Variants in SLC14A2 observed in about 807,000 individuals in gnomAD.
SLC14A2 encodes the protein solute carrier family 14 member 2, also known as urea transporter 2.
Under a neutral mutation model 104.6 loss-of-function variants are expected in SLC14A2, and 91 were observed. The observed-to-expected ratio is 0.87, with a 90% CI of 0.73 to 1.04. SLC14A2 has a LOEUF of 1.04. SLC14A2 is among the 50% of genes least tolerant of loss of function. SLC14A2 has a pLI of 0.00. For missense variants in SLC14A2, 1,189 were observed against 1,156.0 expected (o/e 1.03, Z -0.41); for synonymous variants, 476 against 466.4 (o/e 1.02, Z -0.27).
At chr18:45,654,894 G>A (rs1360698880) in intron 10 of SLC14A2, among the ~76,000 whole-genome samples, 1 of 152,202 alleles carries the variant, frequency 6.6e-6, no homozygotes, top group Admixed American at 6.5e-5. Context: ...TGTGACATCA[G>A]TTTGGTTTCC....
chr18:45,234,814 C>T (rs1322639254), intron 1 of SLC14A2, among the ~76,000 whole-genome samples: 1 of 152,098 alleles, frequency 6.6e-6, no homozygotes, highest in Non-Finnish European at 1.5e-5. Flanking sequence ...ATTTATATAG[C>T]AGCATTTTGT....
chr18:45,287,460 T>C (rs1307582144), intron 1 of SLC14A2, among the ~76,000 whole-genome samples: 1 of 152,210 alleles, frequency 6.6e-6, no homozygotes, highest in Non-Finnish European at 1.5e-5. Flanking sequence ...CAGCAACTCG[T>C]GGCCCACAGC....
chr18:45,611,443 T>C (rs1201212984), upstream of SLC14A2, among the ~76,000 whole-genome samples: 1 of 152,204 alleles, frequency 6.6e-6, no homozygotes, highest in Non-Finnish European at 1.5e-5. Context: ...AGAGGTCAAG[T>C]GCAGGAGAAG....
chr18:45,177,038 T>C, the SLC14A2 span, among the ~76,000 whole-genome samples: 1 of 152,160 alleles, frequency 6.6e-6, no homozygotes, highest in Non-Finnish European at 1.5e-5. Flanking sequence ...TTTTTAAACT[T>C]ATCTCAATGA....
intron 1 of SLC14A2, among the ~76,000 whole-genome samples, chr18:45,475,674 T>TGG: frequency 1.0e-5 from 1 of 99,526 alleles, no homozygotes; most frequent in Non-Finnish European, 2.1e-5. Context: ...TATATATATA[T>TGG]ATATATATAT....
In SLC14A2 at chr18:45,663,890, T is replaced by C. The variant is rs1462480948; in HGVS notation, c.1457T>C (p.Ile486Thr). The change falls in exon 11 of 20, where the codon ATT (isoleucine) becomes ACT (threonine). Residue 486 changes from isoleucine to threonine, a missense_variant. Ile to Thr is a moderately conservative substitution (Grantham distance 89). Transcript: ENST00000255226. ...RSVFHIEWSS[I>T]RRRSKVFGKG... Reference sequence around the variant, plus strand: ...GTATTTCACATCGAGTGGTCATCCATTCGGAGGAGGAGCAAAGGTGTGCAT... The same window carrying C: ...GTATTTCACATCGAGTGGTCATCCACTCGGAGGAGGAGCAAAGGTGTGCAT... 3.7e-6 allele frequency: 6 copies of C among 1,612,976 alleles called. No homozygotes were observed. Among genetic ancestry groups the C allele is most frequent in the Non-Finnish European group, 5.1e-6 (6 of 1,179,690 alleles).
At chr18:45,569,534 T>C (rs2044316764) in intron 2 of SLC14A2, among the ~76,000 whole-genome samples, 1 of 152,228 alleles carries the variant, frequency 6.6e-6, no homozygotes, top group African/African-American at 2.4e-5. Flanking sequence ...ATCTCATCCC[T>C]GGCCAGCATT....
chr18:45,307,481 C>A (rs542009714), intron 1 of SLC14A2, among the ~76,000 whole-genome samples: 2 of 151,386 alleles, frequency 1.3e-5, no homozygotes, highest in Non-Finnish European at 2.9e-5. Flanking sequence ...AAAGACTAAC[C>A]TCTAGGGGAA....
intron 1 of SLC14A2, among the ~76,000 whole-genome samples, chr18:45,372,334 T>C (rs2085732068): frequency 6.6e-6 from 1 of 151,124 alleles, no homozygotes; most frequent in Non-Finnish European, 1.5e-5. Flanking sequence ...ATAATAATAA[T>C]AATAATTTCT....
intron 13 of SLC14A2, among the ~76,000 whole-genome samples, chr18:45,667,613 T>C (rs1309753845): frequency 6.6e-6 from 1 of 152,178 alleles, no homozygotes. Flanking sequence ...AAAAACAACC[T>C]GGAGGTCACA....
intron 1 of SLC14A2, among the ~76,000 whole-genome samples, chr18:45,309,092 T>G (rs1203254536): frequency 1.3e-5 from 2 of 152,156 alleles, no homozygotes; most frequent in East Asian, 1.9e-4. Context: ...ATTGAGAGAT[T>G]TGGTTTTTAA....
intron 2 of SLC14A2, among the ~76,000 whole-genome samples, chr18:45,625,089 A>G (rs2045237950): frequency 6.6e-6 from 1 of 152,130 alleles, no homozygotes. Context: ...GCTCCCTTGA[A>G]CTACCCTACT....
chr18:45,320,813 T>C (rs1029007504), intron 1 of SLC14A2, among the ~76,000 whole-genome samples: 3 of 152,106 alleles, frequency 2.0e-5, no homozygotes, highest in Non-Finnish European at 2.9e-5. Flanking sequence ...CAAAATTCAG[T>C]GGTCAGGATA....
chr18:45,671,826 C>A (rs3786396), intron 16 of SLC14A2, among the ~76,000 whole-genome samples: 22,072 of 152,170 alleles, frequency 0.15, 1,763 homozygotes, highest in East Asian at 0.3. Flanking sequence ...CCCCAGGACA[C>A]TGCCTCTCCT....
intron 1 of SLC14A2, among the ~76,000 whole-genome samples, chr18:45,229,659 G>A (rs2084155523): frequency 6.6e-6 from 1 of 152,042 alleles, no homozygotes; most frequent in Admixed American, 6.6e-5. Context: ...ACTCTACCTG[G>A]TGTCAGCTCA....
chr18:45,653,354 AG>A (rs1157326291), intron 10 of SLC14A2, among the ~76,000 whole-genome samples: 2 of 152,080 alleles, frequency 1.3e-5, no homozygotes, highest in African/African-American at 2.4e-5. Context: ...CACAGTGGGA[AG>A]GGGGCCTTTG....
At chr18:45,398,349 A>G (rs573928761) in intron 1 of SLC14A2, among the ~76,000 whole-genome samples, 13 of 152,320 alleles carry the variant, frequency 8.5e-5, no homozygotes, top group Non-Finnish European at 1.6e-4. Context: ...GGGAAACAAG[A>G]TGGCAGCACT....
chr18:45,542,027 G>T (rs12965282), intron 2 of SLC14A2, among the ~76,000 whole-genome samples: 1 of 123,560 alleles, frequency 8.1e-6, no homozygotes, highest in Non-Finnish European at 1.7e-5. Flanking sequence ...TTAGATGAAA[G>T]AGAGAGGGTT....
At chr18:45,631,022 C>G (rs1457391952) in intron 4 of SLC14A2, among the ~76,000 whole-genome samples, 1 of 152,204 alleles carries the variant, frequency 6.6e-6, no homozygotes, top group Non-Finnish European at 1.5e-5. Context: ...CCCTTCCAAA[C>G]CTAAGCCACA....
Sources: gnomAD v4.1 joint callset for allele counts (sites outside exome capture counted in the v4.1 genomes callset) on GRCh38, gnomAD v4.1.1 for gene constraint, MANE v1.5 for transcripts, NCBI Gene and HGNC (gene_info 2026-07-23, HGNC 2026-07-21) for gene names.